SLCO5A1: variants seen among roughly 807,000 people sequenced by gnomAD.
SLCO5A1 encodes the protein organic anion transporter polypeptide-related protein 4.
Under a neutral mutation model 65.1 loss-of-function variants are expected in SLCO5A1, and 39 were observed. The observed-to-expected ratio is 0.60, with a 90% CI of 0.46 to 0.78. The LOEUF is 0.78. Ranked by LOEUF, SLCO5A1 falls within the 30% of genes least tolerant of loss-of-function variation. SLCO5A1 has a pLI of 0.00. For synonymous variants in SLCO5A1, 438 were observed against 415.7 expected, an observed-to-expected ratio of 1.05 and a Z score of -0.65; for missense variants, 1,029 against 1,069.4, an observed-to-expected ratio of 0.96 and a Z score of 0.53.
chr8:69,787,890 T>C (rs1469373179), intron 2 of SLCO5A1, among the ~76,000 whole-genome samples: 1 of 152,228 alleles, frequency 6.6e-6, no homozygotes, highest in African/African-American at 2.4e-5. Context: ...GAGGGTGTTC[T>C]ACACAAACTG....
In SLCO5A1 at chr8:69,682,185, C is replaced by A. The variant is rs34698405; in HGVS notation, c.1781G>T (p.Gly594Val). 10,232 of 1,607,730 alleles carry A rather than the reference C, an allele frequency of 6.4e-3. 173 individuals carry two copies. The highest frequency in any genetic ancestry group is 0.063 in the African/African-American group (4,713 of 74,498). The change falls in exon 7 of 10, where the codon GGG (glycine) becomes GTG (valine). Residue 594 changes from glycine (G) to valine (V), a missense_variant and splice_region_variant. Gly to Val is a moderately radical substitution (Grantham distance 109). Coordinates refer to ENST00000260126, the MANE Select transcript of SLCO5A1 (RefSeq NM_030958.3). ...GCVNSGNLST[G>V]IRNYTECTCV... The stretch of plus-strand genomic sequence containing the variant: ...GAGGAACTTGTGAAATATACTCACC[C>A]CAGTGCTAAGATTACCACTATTAAC...
rs1333544403 is a variant in SLCO5A1 at position 69,761,758 on chromosome 8, C to T, written c.1025G>A (p.Arg342His). 25 of 1,613,196 alleles carry T rather than the reference C, an allele frequency of 1.5e-5. No homozygotes were observed. The highest frequency in any genetic ancestry group is 5.5e-5 in the South Asian group (5 of 90,822). The stretch of plus-strand genomic sequence containing the variant: ...CAGAACTTACCAGTTTCCAATGAAA[C>T]GAGGGTCATTCTGGTCAAGGTGAAC... ...NPVHLDQNDP[R>H]FIGNWWSGFL... The change falls in exon 3 of 10, where the codon CGT (arginine) becomes CAT (histidine). Residue 342 changes from arginine to histidine, a missense_variant. Around this residue, in one of 3 missense-constraint regions of SLCO5A1, gnomAD observed 647 missense variants for 647.5 expected, o/e 1.00. Coordinates refer to ENST00000260126, the MANE Select transcript of SLCO5A1 (RefSeq NM_030958.3).
intron 6 of SLCO5A1, among the ~76,000 whole-genome samples, chr8:69,701,680 A>T (rs938834842): frequency 6.6e-6 from 1 of 152,166 alleles, no homozygotes; most frequent in Non-Finnish European, 1.5e-5. Context: ...TTCTGGACCA[A>T]ACCAATGTAC....
intron 2 of SLCO5A1, among the ~76,000 whole-genome samples, chr8:69,784,793 A>AAG (rs1818938339): frequency 1.6e-5 from 2 of 123,566 alleles, no homozygotes; most frequent in Non-Finnish European, 3.4e-5. Context: ...GTCTGAAAAA[A>AAG]AAAGAAAGAA....
chr8:69,820,433 G>A (rs946345595), intron 2 of SLCO5A1, among the ~76,000 whole-genome samples: 2 of 152,176 alleles, frequency 1.3e-5, no homozygotes, highest in African/African-American at 4.8e-5. Context: ...ACACTGAACT[G>A]AAAGATACAT....
chr8:69,679,576 A>T lies in SLCO5A1; in HGVS notation c.1826T>A (p.Val609Glu). The T allele has an allele frequency of 1.2e-6, 2 of 1,614,232 alleles. No individual in the cohort carries two copies. The highest frequency in any genetic ancestry group is 1.7e-6 in the Non-Finnish European group (2 of 1,180,046). ...CTGTCCCACGGTGGGTGGAGTGATC[A>T]CTTGGCGACTTTGGACACAGGTGCA... is the stretch of plus-strand genomic sequence containing the variant. ...TECTCVQSRQ[V>E]ITPPTVGQRS... Residue 609 changes from valine (V) to glutamate (E), a missense_variant, in exon 8 of 10, where the codon GTG (valine) becomes GAG (glutamate). By Grantham distance (121) the Val-to-Glu change is moderately radical (BLOSUM62 -2). Transcript: ENST00000260126.
intron 2 of SLCO5A1, among the ~76,000 whole-genome samples, chr8:69,791,632 G>A (rs1819274449): frequency 6.6e-6 from 1 of 152,196 alleles, no homozygotes. Context: ...GGCTGTGTTA[G>A]GCACTGAGAT....
intron 2 of SLCO5A1, among the ~76,000 whole-genome samples, chr8:69,828,600 C>CAA (rs1210951884): frequency 7.8e-6 from 1 of 128,590 alleles, no homozygotes; most frequent in African/African-American, 2.9e-5. Context: ...AGACTCGTCT[C>CAA]AAAAAAAAAA....
Position 69,832,447 on chromosome 8 carries a change from G to T in SLCO5A1, c.227C>A (p.Pro76Gln), listed in dbSNP as rs760577997. 3.7e-6 allele frequency: 6 copies of T among 1,613,014 alleles called. No individual in the cohort carries two copies. The highest frequency in any genetic ancestry group is 5.1e-6 in the Non-Finnish European group (6 of 1,179,600). ...AGAGGGACTGGGGGCCAACGGGTTC[G>T]GGCCTTGCTTCAACTCCTGGTGGCC... ...SSGHQELKQG[P>Q]NPLAPSPSAP... The change falls in exon 2 of 10, where the codon CCG (proline) becomes CAG (glutamine). Residue 76 changes from proline to glutamine, a missense_variant. Physicochemically the swap from Pro to Gln is moderately conservative, Grantham distance 76 (BLOSUM62 -1). This residue lies in a region of SLCO5A1 where 647 missense variants were observed against 647.5 expected (regional missense o/e 1.00). Transcript: ENST00000260126. This position sits in a 1 kb window ranked among gnomAD's most constrained non-coding sequence, Gnocchi z 4.5.
chr8:69,784,703 G>T (rs998632555), intron 2 of SLCO5A1, among the ~76,000 whole-genome samples: 3 of 151,300 alleles, frequency 2.0e-5, no homozygotes, highest in Non-Finnish European at 4.4e-5. Context: ...CAGGAGAATC[G>T]CTGGAAACTG....
intron 2 of SLCO5A1, among the ~76,000 whole-genome samples, chr8:69,786,490 A>G (rs904771391): frequency 3.9e-5 from 6 of 152,216 alleles, no homozygotes; most frequent in African/African-American, 1.2e-4. Flanking sequence ...AAGCTACAAC[A>G]ATTAATGTGA....
At chr8:69,798,403 T>G (rs1819590944) in intron 2 of SLCO5A1, among the ~76,000 whole-genome samples, 1 of 152,204 alleles carries the variant, frequency 6.6e-6, no homozygotes, top group Non-Finnish European at 1.5e-5. Flanking sequence ...GTATGAAGGC[T>G]TCTGTTTGGC....
intron 5 of SLCO5A1, among the ~76,000 whole-genome samples, chr8:69,729,097 C>A (rs1816218989): frequency 2.0e-5 from 3 of 152,160 alleles, no homozygotes; most frequent in South Asian, 2.1e-4. Context: ...GACACAGGTA[C>A]TGACTTTAAG....
At chr8:69,716,048 G>A (rs2380580) in intron 5 of SLCO5A1, among the ~76,000 whole-genome samples, 82,604 of 149,632 alleles carry the variant, frequency 0.55, 23,208 homozygotes, top group African/African-American at 0.74. Flanking sequence ...AAGTGTGCCT[G>A]TTTGAGACCT....
At chr8:69,767,741 T>G (rs1586777069) in intron 2 of SLCO5A1, among the ~76,000 whole-genome samples, 2 of 151,096 alleles carry the variant, frequency 1.3e-5, no homozygotes, top group Admixed American at 1.3e-4. Context: ...AATACAAAAA[T>G]TAGTCAGGCA....
chr8:69,774,636 G>A (rs1314441447), intron 2 of SLCO5A1, among the ~76,000 whole-genome samples: 1 of 152,184 alleles, frequency 6.6e-6, no homozygotes, highest in African/African-American at 2.4e-5. Flanking sequence ...AGTGGTTTAA[G>A]GTTACAAGCT....
rs186811964 is a variant in SLCO5A1, at chr8:69,780,901, G to A, written c.908-19026C>T. Among the ~76,000 whole-genome samples the A allele has an allele frequency of 6.6e-5, 10 of 151,972 alleles. No homozygotes were observed. In the East Asian group the frequency reaches 1.7e-3, roughly 26 times the overall value. The stretch of plus-strand genomic sequence containing the variant: ...CGGAAAATCTCAAAATATTTTTGGA[G>A]CTGTTAGTAGCAGGAGGCTTAAAAG... On this transcript the variant is annotated intron_variant, in intron 2 of 9. Transcript: ENST00000260126.
chr8:69,700,314 C>A (rs1814677087), intron 6 of SLCO5A1: 1 of 152,310 alleles, frequency 6.6e-6, no homozygotes, highest in South Asian at 2.1e-4. Context: ...GGGTGTGCCC[C>A]TGCCTCCCTC....
chr8:69,676,558 G>A, intron 9 of SLCO5A1, 51 bp downstream of exon 9: 1 of 1,500,940 alleles, frequency 6.7e-7, no homozygotes. Flanking sequence ...GTGAAAATTT[G>A]CCATCTGCAA....
Sources: gnomAD v4.1 joint callset for allele counts (sites outside exome capture counted in the v4.1 genomes callset) on GRCh38, gnomAD v4.1.1 for gene constraint, gnomAD v4.1.1 regional missense constraint, Gnocchi (gnomAD v3.1) non-coding constraint, MANE v1.5 for transcripts, NCBI Gene and HGNC (gene_info 2026-07-23, HGNC 2026-07-21) for gene names.